Variants in TLR6 observed in about 807,000 individuals in gnomAD.
The protein encoded by TLR6 is toll like receptor 6, also known as toll-like receptor 6.
A neutral mutation model predicts 16.1 loss-of-function variants in TLR6; 9 were observed. The observed-to-expected ratio is 0.56, with a 90% CI of 0.34 to 0.98. The LOEUF (loss-of-function observed/expected upper bound fraction) is 0.98. TLR6 is among the 50% of genes least tolerant of loss of function. TLR6 has a pLI of 0.02. For missense variants in TLR6, 786 were observed against 921.0 expected (o/e 0.85, Z 1.90); for synonymous variants, 340 against 338.6 (o/e 1.00, Z -0.04).
chr4:38,866,096 C>T, the TLR6 span, among the ~76,000 whole-genome samples: 1 of 151,322 alleles, frequency 6.6e-6, no homozygotes, highest in African/African-American at 2.4e-5. Flanking sequence ...GCACTGCAGC[C>T]TAGGCCACAG....
At chr4:38,850,638 A>G (rs7675967) in intron 1 of TLR6, among the ~76,000 whole-genome samples, 94,237 of 152,008 alleles carry the variant, frequency 0.62, 30,467 homozygotes, top group African/African-American at 0.81. Flanking sequence ...AGAAGAAGTG[A>G]ATAAATTCCT....
exon 2 of TLR6, chr4:38,828,021 A>G: frequency 1.9e-6 from 3 of 1,614,194 alleles, no homozygotes; most frequent in Non-Finnish European, 2.5e-6. Context: ...AGGTCAGTTA[A>G]AGAATTGAAA....
chr4:38,843,761 C>G (rs1486775060), intron 1 of TLR6: 2 of 152,234 alleles, frequency 1.3e-5, no homozygotes, highest in African/African-American at 4.8e-5. Context: ...CCCACAGAGA[C>G]ACACATACAT....
chr4:38,827,937 C>T (rs1331889888), exon 2 of TLR6: 1 of 1,614,064 alleles, frequency 6.2e-7, no homozygotes, highest in Non-Finnish European at 8.5e-7. Flanking sequence ...TGGAAGAAAT[C>T]AGCCGATGGG....
At chr4:38,865,905 G>A in the TLR6 span, among the ~76,000 whole-genome samples, 1 of 152,216 alleles carries the variant, frequency 6.6e-6, no homozygotes, top group Non-Finnish European at 1.5e-5. Context: ...TTGGGAGGCC[G>A]AGGTGGGCAG....
chr4:38,848,597 G>A (rs1463710050), intron 1 of TLR6, among the ~76,000 whole-genome samples: 1 of 152,224 alleles, frequency 6.6e-6, no homozygotes, highest in African/African-American at 2.4e-5. Context: ...ACCTGATGGA[G>A]CTGAAAACCA....
chr4:38,866,567 T>C, the TLR6 span, among the ~76,000 whole-genome samples: 2 of 151,912 alleles, frequency 1.3e-5, no homozygotes, highest in South Asian at 2.1e-4. Context: ...TAATTGTCAA[T>C]AGGAGAATGA....
At chr4:38,851,590 A>G (rs1373871044) in intron 1 of TLR6, among the ~76,000 whole-genome samples, 1 of 152,194 alleles carries the variant, frequency 6.6e-6, no homozygotes, top group Non-Finnish European at 1.5e-5. Flanking sequence ...TTATACATCA[A>G]TAACAGACAA....
chr4:38,862,753 G>T, the TLR6 span, among the ~76,000 whole-genome samples: 12 of 151,156 alleles, frequency 7.9e-5, no homozygotes, highest in East Asian at 1.7e-3. Flanking sequence ...GTGCCACCAC[G>T]CCCAGTTAAT....
chr4:38,837,419 T>A (rs184542924), intron 1 of TLR6, among the ~76,000 whole-genome samples: 10 of 152,180 alleles, frequency 6.6e-5, no homozygotes, highest in African/African-American at 2.2e-4. Context: ...CAGAAATTAA[T>A]CCACATATTT....
chr4:38,854,853 T>G (rs1241364655), intron 1 of TLR6, among the ~76,000 whole-genome samples: 1 of 152,134 alleles, frequency 6.6e-6, no homozygotes, highest in Non-Finnish European at 1.5e-5. Context: ...CAGTTATGTA[T>G]AATTAAATAA....
At chr4:38,839,310 T>TAAAAA (rs57901685) in intron 1 of TLR6, among the ~76,000 whole-genome samples, 2,640 of 151,748 alleles carry the variant, frequency 0.017, 74 homozygotes, top group African/African-American at 0.058. Context: ...GATTTTTTTT[T>TAAAAA]AAAAAAAATT....
upstream of TLR6, among the ~76,000 whole-genome samples, chr4:38,858,758 G>GGAGAGAGAGAGAGA (rs143473786): frequency 3.8e-5 from 2 of 52,760 alleles, no homozygotes; most frequent in Non-Finnish European, 8.8e-5. Flanking sequence ...AGAGAGAGAG[G>GGAGAGAGAGAGAGA]GAGAGAGAGA....
At chr4:38,845,264 G>A (rs7685852) in intron 1 of TLR6, among the ~76,000 whole-genome samples, 24,069 of 152,096 alleles carry the variant, frequency 0.16, 3,729 homozygotes, top group African/African-American at 0.38. Flanking sequence ...GACTGAAACC[G>A]AGAAGCCTCT....
Position 38,828,634 on chromosome 4 carries a change from A to C in TLR6, c.840T>G (p.Tyr280Ter). Residue 280 changes from tyrosine (Y) to a stop codon, truncating the protein, a stop_gained, in exon 2 of 2, where the codon TAT (tyrosine) becomes TAG (stop). Coordinates refer to ENST00000436693, the Ensembl canonical transcript of TLR6. LOFTEE classifies it low-confidence loss of function (END_TRUNC). ...TTATTGTTAAATTGTAAATATTGAGATATTCCACAGGTTTGGGCCAAAGAA... is the reference window on the plus strand; with the variant it reads ...TTATTGTTAAATTGTAAATATTGAGCTATTCCACAGGTTTGGGCCAAAGAA... The C allele has an allele frequency of 1.2e-6, 2 of 1,614,058 alleles. No homozygotes were observed. The highest frequency in any genetic ancestry group is 1.7e-6 in the Non-Finnish European group (2 of 1,179,930).
intron 1 of TLR6, among the ~76,000 whole-genome samples, chr4:38,831,385 T>G (rs1219985528): frequency 6.6e-6 from 1 of 151,564 alleles, no homozygotes; most frequent in African/African-American, 2.4e-5. Context: ...TAGACCTAAA[T>G]GTATAATGCA....
chr4:38,846,088 CAAA>C (rs10713614), intron 1 of TLR6, among the ~76,000 whole-genome samples: 29,203 of 96,966 alleles, frequency 0.3, 3,738 homozygotes, highest in Non-Finnish European at 0.4. Context: ...CGAGACATCT[CAAA>C]AAAAAAAAAA....
At chr4:38,824,871 A>C (rs1429765581) in exon 2 of TLR6, 1 of 152,228 alleles carries the variant, frequency 6.6e-6, no homozygotes, top group Non-Finnish European at 1.5e-5. Flanking sequence ...GTCTCAGCTC[A>C]CTACAGCCTC....
At chr4:38,859,108 G>A (rs557711980), upstream of TLR6, among the ~76,000 whole-genome samples, 2 of 152,348 alleles carry the variant, frequency 1.3e-5, no homozygotes, top group African/African-American at 4.8e-5. Context: ...AGCTTGCACT[G>A]CTGGTCAGTG....
Sources: allele counts gnomAD v4.1 joint callset (sites outside exome capture counted in the v4.1 genomes callset), GRCh38; gene constraint gnomAD v4.1.1; transcripts MANE v1.5; gene names NCBI Gene and HGNC (gene_info 2026-07-23, HGNC 2026-07-21).